The following KLF12 variants were observed in gnomAD, a reference collection of about 807,000 sequenced individuals.
KLF12 encodes Krueppel-like factor 12.
Under a neutral mutation model 37.8 loss-of-function variants are expected in KLF12, and 9 were observed. The observed-to-expected ratio is 0.24, with a 90% CI of 0.14 to 0.42. The LOEUF (loss-of-function observed/expected upper bound fraction) is 0.42. KLF12 is among the 10% of genes least tolerant of loss of function. The probability of loss-of-function intolerance (pLI) is 1.00; values close to 1 mark genes in which losing one functional copy is unlikely to be tolerated. For missense variants in KLF12, 411 were observed against 516.0 expected, an observed-to-expected ratio of 0.80 and a Z score of 1.97; for synonymous variants, 208 against 202.1, an observed-to-expected ratio of 1.03 and a Z score of -0.25.
At chr13:73,926,090 G>A (rs953823487) in intron 3 of KLF12, among the ~76,000 whole-genome samples, 11 of 152,166 alleles carry the variant, frequency 7.2e-5, no homozygotes, top group Non-Finnish European at 1.3e-4. Context: ...CTTTATGAAC[G>A]TAGTTGAGCA....
chr13:73,975,292 C>T (rs1891479862), intron 2 of KLF12, among the ~76,000 whole-genome samples: 1 of 152,106 alleles, frequency 6.6e-6, no homozygotes, highest in South Asian at 2.1e-4. Flanking sequence ...GATCTTTAAA[C>T]TATATGTGTT....
intron 4 of KLF12, among the ~76,000 whole-genome samples, chr13:73,836,266 A>AT (rs1323658903): frequency 6.6e-6 from 1 of 152,192 alleles, no homozygotes; most frequent in Non-Finnish European, 1.5e-5. Flanking sequence ...AAATTTCCCC[A>AT]TTAACAAAGG....
chr13:73,779,658 C>T (rs2138183885), intron 5 of KLF12, among the ~76,000 whole-genome samples: 1 of 152,278 alleles, frequency 6.6e-6, no homozygotes, highest in Non-Finnish European at 1.5e-5. Context: ...TGGGAATTTC[C>T]CAAGTTCTAG....
the KLF12 span, among the ~76,000 whole-genome samples, chr13:74,296,626 A>G: frequency 6.6e-6 from 1 of 152,230 alleles, no homozygotes; most frequent in Non-Finnish European, 1.5e-5. Flanking sequence ...AAGCAATCTT[A>G]TTCCTGAAAG....
At chr13:73,881,760 T>G (rs1886993569) in intron 3 of KLF12, among the ~76,000 whole-genome samples, 1 of 152,182 alleles carries the variant, frequency 6.6e-6, no homozygotes, top group African/African-American at 2.4e-5. Context: ...AAAACAATTC[T>G]CCACTTTGGC....
intron 4 of KLF12, among the ~76,000 whole-genome samples, chr13:73,827,939 T>G (rs146288803): frequency 1.3e-5 from 2 of 152,316 alleles, no homozygotes; most frequent in African/African-American, 4.8e-5. Flanking sequence ...TTATCTACAT[T>G]TTTCAAACCA....
chr13:73,959,121 T>A (rs1890940191), intron 2 of KLF12, among the ~76,000 whole-genome samples: 1 of 11,916 alleles, frequency 8.4e-5, no homozygotes, highest in Non-Finnish European at 3.7e-4. Flanking sequence ...CACACCCCCC[T>A]TCCAAAAAAA....
chr13:74,198,873 G>A, the KLF12 span, among the ~76,000 whole-genome samples: 1 of 152,182 alleles, frequency 6.6e-6, no homozygotes, highest in Non-Finnish European at 1.5e-5. Context: ...GTATTTGACT[G>A]TTAGGGGACA....
chr13:74,110,426 C>T (rs1246184484), intron 1 of KLF12, among the ~76,000 whole-genome samples: 1 of 152,168 alleles, frequency 6.6e-6, no homozygotes, highest in African/African-American at 2.4e-5. Context: ...CAAATAGTAA[C>T]CCAATGTATT....
intron 1 of KLF12, among the ~76,000 whole-genome samples, chr13:74,024,889 C>G (rs996911859): frequency 3.9e-5 from 6 of 152,170 alleles, no homozygotes; most frequent in African/African-American, 1.2e-4. Flanking sequence ...AACCACCCAC[C>G]TCTTCCCTGA....
At position 73,846,049 on chromosome 13, in the gene KLF12, C is replaced by T. The variant is rs1884996627; in HGVS notation, c.448G>A (p.Ala150Thr). The change falls in exon 4 of 8, where the codon GCC (alanine) becomes ACC (threonine). Residue 150 changes from alanine (A) to threonine (T), a missense_variant. By Grantham distance (58) the Ala-to-Thr change is moderately conservative (BLOSUM62 0). Around this residue, in one of 2 missense-constraint regions of KLF12, gnomAD observed 351 missense variants for 397.8 expected, o/e 0.88. Coordinates refer to ENST00000377669, the MANE Select transcript of KLF12 (RefSeq NM_007249.5). ...TGGCCTCCAACACCAGATGCAGAGG[C>T]CACAAGGGGCCCTGGAGTTAATACT... 2.5e-6 allele frequency: 4 copies of T among 1,613,856 alleles called. No homozygotes were observed. The highest frequency in any genetic ancestry group is 3.3e-5 in the Admixed American group (2 of 59,962).
the KLF12 span, among the ~76,000 whole-genome samples, chr13:74,148,828 G>A: frequency 6.6e-6 from 1 of 151,862 alleles, no homozygotes; most frequent in African/African-American, 2.4e-5. Flanking sequence ...TTTTGTTTTT[G>A]TTTTGAAATG....
At chr13:73,970,917 G>A (rs1200549958) in intron 2 of KLF12, among the ~76,000 whole-genome samples, 2 of 152,068 alleles carry the variant, frequency 1.3e-5, no homozygotes, top group African/African-American at 4.8e-5. Context: ...CAGCAGAAGG[G>A]TGGGGAATGT....
chr13:74,056,420 T>C (rs1873247556), intron 1 of KLF12, among the ~76,000 whole-genome samples: 1 of 152,218 alleles, frequency 6.6e-6, no homozygotes, highest in Admixed American at 6.5e-5. Context: ...CTACTTACAG[T>C]AAAGATTAAT....
the KLF12 span, chr13:74,231,884 G>T: frequency 6.6e-5 from 10 of 152,216 alleles, no homozygotes; most frequent in Non-Finnish European, 1.5e-4. Context: ...TTTGTTATTG[G>T]TTTTTATTAT....
At chr13:73,734,515 T>C (rs186792011) in intron 6 of KLF12, among the ~76,000 whole-genome samples, 11 of 152,252 alleles carry the variant, frequency 7.2e-5, no homozygotes, top group Admixed American at 6.5e-5. Context: ...GAGATTTTTA[T>C]GGTAAAGAAT....
At chr13:74,252,097 C>G in the KLF12 span, among the ~76,000 whole-genome samples, 1 of 152,200 alleles carries the variant, frequency 6.6e-6, no homozygotes, top group Admixed American at 6.5e-5. Flanking sequence ...CCGTGCAAGC[C>G]TCACCATCTT....
At chr13:73,896,095 G>A (rs548228309) in intron 3 of KLF12, among the ~76,000 whole-genome samples, 4 of 152,068 alleles carry the variant, frequency 2.6e-5, no homozygotes, top group Non-Finnish European at 5.9e-5. Context: ...TTCTGGGATA[G>A]AAATCACCAC....
intron 1 of KLF12, among the ~76,000 whole-genome samples, chr13:74,064,066 T>C (rs1354145860): frequency 1.2e-3 from 3 of 2,584 alleles, no homozygotes; most frequent in African/African-American, 1.2e-3. Flanking sequence ...AGGGGTGCAA[T>C]ATCCCTGTCC....
Sources: gnomAD v4.1 joint callset for allele counts (sites outside exome capture counted in the v4.1 genomes callset) on GRCh38, gnomAD v4.1.1 for gene constraint, gnomAD v4.1.1 regional missense constraint, MANE v1.5 for transcripts, NCBI Gene and HGNC (gene_info 2026-07-23, HGNC 2026-07-21) for gene names.